The following NAA15 variants were observed in gnomAD, a reference collection of about 807,000 sequenced individuals.
NAA15 encodes N-terminal acetyltransferase.
A neutral mutation model predicts 114.0 loss-of-function variants in NAA15; 34 were observed. That is an observed-to-expected ratio of 0.30 (90% CI 0.23 to 0.40). NAA15 has a LOEUF of 0.40. NAA15 is among the 10% of genes least tolerant of loss of function. NAA15 has a pLI of 1.00. For synonymous variants in NAA15, 340 were observed against 338.0 expected (o/e 1.01, Z -0.06); for missense variants, 658 against 1,004.5 (o/e 0.66, Z 4.66).
intron 7 of NAA15, among the ~76,000 whole-genome samples, 155 bp from the exon 8 acceptor site, chr4:139,351,036 A>G (rs972217633): frequency 6.6e-6 from 1 of 152,222 alleles, no homozygotes; most frequent in African/African-American, 2.4e-5. Flanking sequence ...GAAATAGTCT[A>G]AAATAATTGT....
intron 1 of NAA15, among the ~76,000 whole-genome samples, chr4:139,317,575 C>T (rs533968282): frequency 6.6e-6 from 1 of 152,300 alleles, no homozygotes; most frequent in East Asian, 1.9e-4. Flanking sequence ...GAGCCCAGAT[C>T]ATGCCACTGC....
chr4:139,378,546 C>G (rs1165693973), intron 16 of NAA15, among the ~76,000 whole-genome samples: 1 of 152,110 alleles, frequency 6.6e-6, no homozygotes, highest in African/African-American at 2.4e-5. Flanking sequence ...CCTAAATTTT[C>G]TACATTTCAC....
chr4:139,358,198 T>G (rs1308023961), intron 11 of NAA15, among the ~76,000 whole-genome samples: 6 of 151,482 alleles, frequency 4.0e-5, no homozygotes, highest in Non-Finnish European at 7.4e-5. Context: ...TTTGTTTTTT[T>G]TTTTTTGAGA....
chr4:139,322,653 G>A (rs954360054), intron 1 of NAA15, among the ~76,000 whole-genome samples: 7 of 152,118 alleles, frequency 4.6e-5, no homozygotes, highest in Non-Finnish European at 5.9e-5. Context: ...GACCTTTGCT[G>A]TGTACCTGTT....
chr4:139,334,620 T>A (rs537312437), intron 2 of NAA15, among the ~76,000 whole-genome samples: 1 of 152,338 alleles, frequency 6.6e-6, no homozygotes, highest in East Asian at 1.9e-4. Context: ...ATATTTTTTA[T>A]TTATGTTTTT....
chr4:139,376,526 G>T, intron 16 of NAA15, 53 bp downstream of exon 16: 1 of 1,112,674 alleles, frequency 9.0e-7, no homozygotes, highest in Non-Finnish European at 1.4e-6. Context: ...GTATTTCTTA[G>T]GTATAGTCAC....
At chr4:139,316,714 C>A (rs1183699416) in intron 1 of NAA15, among the ~76,000 whole-genome samples, 1 of 151,798 alleles carries the variant, frequency 6.6e-6, no homozygotes, top group African/African-American at 2.4e-5. Context: ...ATTGTACCAA[C>A]AATATTGTTA....
intron 17 of NAA15, among the ~76,000 whole-genome samples, chr4:139,380,924 A>G (rs1250484685): frequency 6.6e-6 from 1 of 152,208 alleles, no homozygotes; most frequent in Non-Finnish European, 1.5e-5. Context: ...AAAAATATGT[A>G]ATTTAGAAGT....
intron 1 of NAA15, among the ~76,000 whole-genome samples, chr4:139,307,600 G>T (rs1746066585): frequency 6.6e-6 from 1 of 152,190 alleles, no homozygotes; most frequent in Admixed American, 6.5e-5. Flanking sequence ...CTTGAAATAT[G>T]GCTAGTGCAA....
chr4:139,301,663 G>T lies in NAA15; in HGVS notation c.-115G>T. ...GCGGCGACACCCGAGGCCTGGTGGT[G>T]GCGGCGGATCGAGATATTCAAGGCT... is the stretch of plus-strand genomic sequence containing the variant. On this transcript the variant is annotated 5_prime_UTR_variant, in exon 1 of 20. Coordinates refer to ENST00000296543, the MANE Select transcript of NAA15 (RefSeq NM_057175.5). The T allele has an allele frequency of 8.0e-7, 1 of 1,242,422 alleles. No individual in the cohort carries two copies. The highest frequency in any genetic ancestry group is 2.7e-5 in the East Asian group (1 of 36,762). 77.0% of individuals were successfully genotyped at this position (1,242,422 alleles called of 1,614,324 possible).
At chr4:139,379,484 C>T (rs551583838) in intron 17 of NAA15, 59 of 152,246 alleles carry the variant, frequency 3.9e-4, no homozygotes, top group African/African-American at 1.2e-3. Context: ...AACTTAGTAA[C>T]GCAACAGTGA....
rs1402904468 is a variant in NAA15 at position 139,389,797 on chromosome 4, T to C, written c.*1713T>C. 2 of 152,658 alleles carry C rather than the reference T, an allele frequency of 1.3e-5. No individual in the cohort carries two copies. The highest frequency in any genetic ancestry group is 2.4e-5 in the African/African-American group (1 of 41,460). The allele number at this position is 152,658 out of a possible 1,614,324, so 9.5% of individuals were successfully genotyped here. The stretch of plus-strand genomic sequence containing the variant: ...AGACCTTTTACTGATTGAACAGTTG[T>C]GCTACAATCAACTTTTCATAGTACA... On this transcript the variant is annotated 3_prime_UTR_variant, in exon 20 of 20. Transcript: ENST00000296543.
Position 139,369,801 on chromosome 4 carries a change from A to AT in NAA15, c.1754-403dup, listed in dbSNP as rs72490278. ...GACATTTACATCCATACCATGTAAT[A>AT]TTTTTTTAAATTTGTTTTTTGAGAC... On this transcript the variant is annotated intron_variant, in intron 14 of 19. Transcript: ENST00000296543. 6.8e-3 allele frequency among the ~76,000 whole-genome samples: 1,018 copies of AT among 150,382 alleles called. 12 individuals carry two copies. The highest frequency in any genetic ancestry group is 0.019 in the African/African-American group (764 of 40,948).
chr4:139,348,835 A>T (rs1664891335), intron 6 of NAA15, among the ~76,000 whole-genome samples: 1 of 152,208 alleles, frequency 6.6e-6, no homozygotes, highest in African/African-American at 2.4e-5. Context: ...TCATTCAGGG[A>T]TGATGTGATT....
At chr4:139,351,404 A>G in intron 8 of NAA15, 101 bp from the exon 9 acceptor site, 2 of 1,032,626 alleles carry the variant, frequency 1.9e-6, no homozygotes. Context: ...GAGTTGTCTA[A>G]CAACTCTGCT....
intron 1 of NAA15, among the ~76,000 whole-genome samples, chr4:139,331,139 A>C (rs1746986789): frequency 6.6e-6 from 1 of 152,162 alleles, no homozygotes; most frequent in Admixed American, 6.5e-5. Flanking sequence ...GTGAAAGCAT[A>C]TGTTGATGTC....
chr4:139,345,408 G>C (rs558366228), intron 6 of NAA15, among the ~76,000 whole-genome samples: 2 of 152,166 alleles, frequency 1.3e-5, no homozygotes, highest in Admixed American at 1.3e-4. Flanking sequence ...CAAGGCTTGG[G>C]CCTCAAGTTT....
chr4:139,385,309 T>TACGC (rs1491429372), intron 18 of NAA15, among the ~76,000 whole-genome samples: 21,034 of 125,466 alleles, frequency 0.17, 2,472 homozygotes, highest in Non-Finnish European at 0.2. Flanking sequence ...TAATATATAT[T>TACGC]ATATATATAT....
In NAA15 at chr4:139,329,281, A is replaced by G. The variant is rs571815083; in HGVS notation, c.55-4893A>G. Among the ~76,000 whole-genome samples the G allele has an allele frequency of 2.6e-5, 4 of 152,164 alleles. No homozygotes were observed. In the East Asian group the frequency reaches 7.7e-4, roughly 29 times the overall value. Reference sequence around the variant, plus strand: ...TATCCATTGCTTAAATTTTGAGCACATTTATAATAGTTGTTTTAACTTCTT... The same window carrying G: ...TATCCATTGCTTAAATTTTGAGCACGTTTATAATAGTTGTTTTAACTTCTT... On this transcript the variant is annotated intron_variant, in intron 1 of 19. Coordinates refer to ENST00000296543, the MANE Select transcript of NAA15 (RefSeq NM_057175.5).
Sources: allele counts gnomAD v4.1 joint callset (sites outside exome capture counted in the v4.1 genomes callset), GRCh38; gene constraint gnomAD v4.1.1; transcripts MANE v1.5; gene names NCBI Gene and HGNC (gene_info 2026-07-23, HGNC 2026-07-21).